The following CUL3 variants were observed in gnomAD, a reference collection of about 807,000 sequenced individuals.
The protein encoded by CUL3 is cullin-3.
A neutral mutation model predicts 89.1 loss-of-function variants in CUL3; 19 were observed. The observed-to-expected ratio is 0.21, with a 90% CI of 0.15 to 0.31. The LOEUF is 0.31. Among genes scored for constraint, CUL3 ranks in the 10% least tolerant of loss-of-function variants. The pLI is 1.00. For synonymous variants in CUL3, 351 were observed against 308.4 expected (o/e 1.14, Z -1.45); for missense variants, 469 against 942.3 (o/e 0.50, Z 6.58).
At chr2:224,511,998 TTA>T (rs1381694464) in intron 5 of CUL3, among the ~76,000 whole-genome samples, 4 of 152,200 alleles carry the variant, frequency 2.6e-5, no homozygotes, top group Non-Finnish European at 5.9e-5. Context: ...ATACTGCTGG[TTA>T]ATTAAGTCTT....
In CUL3 at chr2:224,565,794, A is replaced by G. The variant is rs552644799; in HGVS notation, c.67-7938T>C. 3.9e-5 allele frequency among the ~76,000 whole-genome samples: 6 copies of G among 152,226 alleles called. No homozygotes were observed. In the South Asian group the frequency reaches 1.0e-3, roughly 26 times the overall value. ...CATATCCTGAAACCCTTCACTCCTC[A>G]CTTTACCACAGTCTTTCGTGATTCT... On this transcript the variant is annotated intron_variant, in intron 1 of 15. Coordinates refer to ENST00000264414, the MANE Select transcript of CUL3 (RefSeq NM_003590.5).
intron 11 of CUL3, 153 bp downstream of exon 11, chr2:224,500,210 G>A (rs567933408): frequency 8.8e-6 from 7 of 797,952 alleles, no homozygotes; most frequent in East Asian, 5.4e-5. Flanking sequence ...TATAGAGGGG[G>A]AAATTGCTGT....
intron 3 of CUL3, among the ~76,000 whole-genome samples, chr2:224,535,100 A>C (rs527533260): frequency 6.6e-6 from 1 of 152,092 alleles, no homozygotes. Flanking sequence ...CCTTACAAAG[A>C]AAGTACTGTT....
chr2:224,487,886 TAACA>T (rs768157366), intron 13 of CUL3, among the ~76,000 whole-genome samples: 6 of 152,166 alleles, frequency 3.9e-5, no homozygotes, highest in East Asian at 1.9e-4. Context: ...ATGGAAATCG[TAACA>T]AACAGTCTCT....
intron 2 of CUL3, among the ~76,000 whole-genome samples, chr2:224,553,441 A>T (rs984450790): frequency 6.6e-6 from 1 of 152,234 alleles, no homozygotes; most frequent in Non-Finnish European, 1.5e-5. Flanking sequence ...AGAATTTAGC[A>T]TATACTGTAT....
chr2:224,580,554 CAA>C (rs1326478685), intron 1 of CUL3, among the ~76,000 whole-genome samples: 5 of 152,278 alleles, frequency 3.3e-5, no homozygotes, highest in Admixed American at 3.3e-4. Flanking sequence ...CGTGGTGGCG[CAA>C]ACCGGTAGTC....
At chr2:224,543,246 T>C (rs1037016273) in intron 2 of CUL3, among the ~76,000 whole-genome samples, 2 of 152,142 alleles carry the variant, frequency 1.3e-5, no homozygotes, top group East Asian at 3.8e-4. Context: ...GTCTCCAAAT[T>C]CAGGACAACA....
Position 224,537,975 on chromosome 2 carries a change from GTCA to G in CUL3, c.265-2337_265-2335del, listed in dbSNP as rs1383957190. ...AAATATATCAAGTATTTACATATTT[GTCA>G]TCATATTTATACCTGCCTTTCAGCA... On this transcript the variant is annotated intron_variant, in intron 2 of 15. Coordinates refer to ENST00000264414, the MANE Select transcript of CUL3 (RefSeq NM_003590.5). 1.1e-4 allele frequency among the ~76,000 whole-genome samples: 16 copies of G among 152,156 alleles called. No individual in the cohort carries two copies. In the East Asian group the frequency reaches 1.2e-3, roughly 11 times the overall value.
intron 3 of CUL3, among the ~76,000 whole-genome samples, chr2:224,523,742 G>T (rs1299450943): frequency 6.6e-6 from 1 of 152,180 alleles, no homozygotes; most frequent in Non-Finnish European, 1.5e-5. Flanking sequence ...CCTTAGAAAG[G>T]AAGTAAACTC....
At chr2:224,524,880 T>C (rs1693408655) in intron 3 of CUL3, among the ~76,000 whole-genome samples, 1 of 152,092 alleles carries the variant, frequency 6.6e-6, no homozygotes, top group Non-Finnish European at 1.5e-5. Flanking sequence ...ACCTTTGCCC[T>C]ACCCAGAAAG....
intron 2 of CUL3, among the ~76,000 whole-genome samples, chr2:224,549,899 G>A (rs1203609787): frequency 1.3e-5 from 2 of 151,726 alleles, no homozygotes; most frequent in African/African-American, 4.8e-5. Context: ...CACGCAAAAT[G>A]GCTGTGAAAA....
chr2:224,488,342 T>C (rs1691820276), intron 13 of CUL3, among the ~76,000 whole-genome samples: 1 of 151,790 alleles, frequency 6.6e-6, no homozygotes, highest in Admixed American at 6.6e-5. Flanking sequence ...ACTGGTTTTT[T>C]GAAAAGATTA....
At chr2:224,505,475 G>A (rs796711234) in intron 8 of CUL3, among the ~76,000 whole-genome samples, 29 of 152,098 alleles carry the variant, frequency 1.9e-4, no homozygotes, top group African/African-American at 6.5e-4. Context: ...TTGCTCTGTC[G>A]CCCAGCATAG....
chr2:224,531,781 T>TA (rs1693705063), intron 3 of CUL3, among the ~76,000 whole-genome samples: 1 of 152,044 alleles, frequency 6.6e-6, no homozygotes, highest in Admixed American at 6.5e-5. Flanking sequence ...AGACAGAAGA[T>TA]ATGTAAAAGA....
chr2:224,568,590 A>T (rs1160473899), intron 1 of CUL3, among the ~76,000 whole-genome samples: 3 of 152,218 alleles, frequency 2.0e-5, no homozygotes, highest in Non-Finnish European at 4.4e-5. Flanking sequence ...ATCTTTTTCT[A>T]ACAGAAGTAG....
At chr2:224,509,552 A>C (rs1692734610) in intron 6 of CUL3, among the ~76,000 whole-genome samples, 1 of 152,244 alleles carries the variant, frequency 6.6e-6, no homozygotes, top group Non-Finnish European at 1.5e-5. Flanking sequence ...TTAGAATCAC[A>C]GATAGCTACT....
intron 2 of CUL3, among the ~76,000 whole-genome samples, chr2:224,536,372 C>A (rs1460941010): frequency 6.6e-6 from 1 of 152,156 alleles, no homozygotes; most frequent in Non-Finnish European, 1.5e-5. Flanking sequence ...TCTTTCCCAA[C>A]CAATTACTTC....
At chr2:224,569,624 G>T in intron 1 of CUL3, 1 of 769,362 alleles carries the variant, frequency 1.3e-6, no homozygotes. Flanking sequence ...TACTTCAGAT[G>T]ATATAAAAAA....
At chr2:224,474,890 G>T (rs1691257975) in intron 15 of CUL3, among the ~76,000 whole-genome samples, 2 of 152,132 alleles carry the variant, frequency 1.3e-5, no homozygotes, top group South Asian at 2.1e-4. Flanking sequence ...GCTTCTGTTG[G>T]TTTTTTCCAA....
Sources: gnomAD v4.1 joint callset for allele counts (sites outside exome capture counted in the v4.1 genomes callset) on GRCh38, gnomAD v4.1.1 for gene constraint, MANE v1.5 for transcripts, NCBI Gene and HGNC (gene_info 2026-07-23, HGNC 2026-07-21) for gene names.